The following BICC1 variants were observed in gnomAD, a reference collection of about 807,000 sequenced individuals.
BICC1 encodes the protein protein bicaudal C homolog 1.
Under a neutral mutation model 111.0 loss-of-function variants are expected in BICC1, and 43 were observed. The observed-to-expected ratio is 0.39, with a 90% CI of 0.30 to 0.50. BICC1 has a LOEUF of 0.50. BICC1 is among the 20% of genes least tolerant of loss of function. The pLI is 0.88. For missense variants in BICC1, 1,091 were observed against 1,203.2 expected, an observed-to-expected ratio of 0.91 and a Z score of 1.38; for synonymous variants, 467 against 434.4, an observed-to-expected ratio of 1.07 and a Z score of -0.93.
chr10:58,534,842 A>G (rs1842785457), intron 1 of BICC1, among the ~76,000 whole-genome samples: 1 of 151,604 alleles, frequency 6.6e-6, no homozygotes, highest in African/African-American at 2.4e-5. Flanking sequence ...AAATTAAAAA[A>G]AAATTAGGAT....
chr10:58,520,349 C>T (rs1268187010), intron 1 of BICC1, among the ~76,000 whole-genome samples: 1 of 152,106 alleles, frequency 6.6e-6, no homozygotes, highest in Non-Finnish European at 1.5e-5. Context: ...GCTGCAAAAG[C>T]CACCAAATTC....
chr10:58,608,010 G>A (rs1845285777), intron 1 of BICC1, among the ~76,000 whole-genome samples: 1 of 152,172 alleles, frequency 6.6e-6, no homozygotes. Flanking sequence ...TGAAGCAGTA[G>A]TGTAGATATG....
At chr10:58,798,636 G>T in intron 11 of BICC1, 76 bp downstream of exon 11, 2 of 1,354,084 alleles carry the variant, frequency 1.5e-6, no homozygotes, top group East Asian at 5.3e-5. Context: ...TTTACGAAGG[G>T]CTCAGTTTTC....
rs1023563796 is a variant in BICC1, at chr10:58,798,395, A to G, written c.1367-4A>G. Reference sequence around the variant, plus strand: ...AATTGACTTTATATATTCATTTATTACAGGTCTTTTGGGACCCACCACCTT... The same window carrying G: ...AATTGACTTTATATATTCATTTATTGCAGGTCTTTTGGGACCCACCACCTT... On this transcript the variant is annotated splice_region_variant and splice_polypyrimidine_tract_variant and intron_variant, in intron 10 of 20. Transcript: ENST00000373886. 6.4e-6 allele frequency: 10 copies of G among 1,554,694 alleles called. No homozygotes were observed. In the Admixed American group the frequency reaches 8.4e-5, roughly 13 times the overall value.
chr10:58,620,704 G>C (rs1845774401), intron 1 of BICC1, 151 bp from the exon 2 acceptor site: 5 of 614,508 alleles, frequency 8.1e-6, no homozygotes, highest in African/African-American at 1.9e-5. Flanking sequence ...TACCAGTTTT[G>C]CATCCCAGTG....
At chr10:58,531,144 A>G (rs561546531) in intron 1 of BICC1, among the ~76,000 whole-genome samples, 26 of 151,924 alleles carry the variant, frequency 1.7e-4, no homozygotes, top group Admixed American at 1.7e-3. Context: ...GCTTTTTGAG[A>G]CTACTCAAGT....
chr10:58,692,606 G>T (rs566631117), intron 2 of BICC1, among the ~76,000 whole-genome samples: 1 of 152,124 alleles, frequency 6.6e-6, no homozygotes, highest in African/African-American at 2.4e-5. Context: ...AAATTAACAC[G>T]TATTATTTCT....
intron 3 of BICC1, among the ~76,000 whole-genome samples, chr10:58,757,403 A>G (rs761482572): frequency 2.2e-4 from 33 of 152,170 alleles, no homozygotes; most frequent in African/African-American, 3.9e-4. Context: ...TCATGTTTCT[A>G]TGTTTCTACT....
intron 1 of BICC1, among the ~76,000 whole-genome samples, chr10:58,567,470 G>A (rs962068285): frequency 1.4e-4 from 21 of 151,694 alleles, no homozygotes; most frequent in African/African-American, 4.8e-4. Flanking sequence ...ATGTATATGT[G>A]TTCTAGGAGA....
At chr10:58,716,276 T>C (rs1840737661) in intron 3 of BICC1, 1 of 1,500,356 alleles carries the variant, frequency 6.7e-7, no homozygotes, top group African/African-American at 1.4e-5. Flanking sequence ...GTTCAAGTCC[T>C]GACTCACCAT....
chr10:58,596,405 T>A (rs1446186958), intron 1 of BICC1, among the ~76,000 whole-genome samples: 3 of 152,168 alleles, frequency 2.0e-5, no homozygotes, highest in African/African-American at 4.8e-5. Context: ...ACCCATGGAA[T>A]GTATCTCAAA....
intron 3 of BICC1, among the ~76,000 whole-genome samples, chr10:58,715,001 G>A (rs1840693082): frequency 6.6e-6 from 1 of 151,976 alleles, no homozygotes; most frequent in Non-Finnish European, 1.5e-5. Flanking sequence ...CTTGAACCCG[G>A]GAGGTGGAGT....
At chr10:58,568,305 A>G (rs1618039) in intron 1 of BICC1, among the ~76,000 whole-genome samples, 151,318 of 152,256 alleles carry the variant, frequency 0.99, 75,196 homozygotes, top group South Asian at 1. Flanking sequence ...GACAGATGCC[A>G]AGTAGAGCCC....
intron 1 of BICC1, among the ~76,000 whole-genome samples, chr10:58,573,235 A>C (rs1262267043): frequency 6.6e-6 from 1 of 152,108 alleles, no homozygotes; most frequent in African/African-American, 2.4e-5. Flanking sequence ...AGTTTATAGC[A>C]TGTGTAAGTG....
chr10:58,532,325 T>G (rs1842703117), intron 1 of BICC1, among the ~76,000 whole-genome samples: 1 of 151,724 alleles, frequency 6.6e-6, no homozygotes, highest in South Asian at 2.1e-4. Context: ...TGCATGGATT[T>G]CAAACTTTTT....
intron 3 of BICC1, among the ~76,000 whole-genome samples, chr10:58,737,274 G>A (rs1589081784): frequency 6.6e-6 from 1 of 152,096 alleles, no homozygotes; most frequent in Admixed American, 6.5e-5. Context: ...ACAGTCCCTG[G>A]TGTGTGATAT....
chr10:58,653,875 C>T (rs1471134103), intron 2 of BICC1, among the ~76,000 whole-genome samples: 3 of 143,174 alleles, frequency 2.1e-5, no homozygotes, highest in Non-Finnish European at 4.5e-5. Flanking sequence ...TATTCCCCTT[C>T]CTGTGTCCAT....
chr10:58,663,100 T>C (rs535145526), intron 2 of BICC1, among the ~76,000 whole-genome samples: 1 of 150,256 alleles, frequency 6.7e-6, no homozygotes, highest in South Asian at 2.1e-4. Context: ...GGAGTCTTAC[T>C]CTGTTGCCCA....
chr10:58,796,318 C>A (rs779105817), intron 9 of BICC1, 22 bp from the exon 10 acceptor site: 1 of 1,600,156 alleles, frequency 6.2e-7, no homozygotes, highest in Non-Finnish European at 8.5e-7. Context: ...CACCTTTTTT[C>A]CCCCATTATG....
Sources: allele counts gnomAD v4.1 joint callset (sites outside exome capture counted in the v4.1 genomes callset), GRCh38; gene constraint gnomAD v4.1.1; transcripts MANE v1.5; gene names NCBI Gene and HGNC (gene_info 2026-07-23, HGNC 2026-07-21).